The following UST variants were observed in gnomAD, a reference collection of about 807,000 sequenced individuals.
UST encodes the protein chondroitin sulfate 2-O-sulfotransferase.
A neutral mutation model predicts 45.6 loss-of-function variants in UST; 21 were observed. The observed-to-expected ratio is 0.46, with a 90% CI of 0.33 to 0.66. The LOEUF (loss-of-function observed/expected upper bound fraction) is 0.66, where lower values mean the gene tolerates loss of function less well. Ranked by LOEUF, UST falls within the 30% of genes least tolerant of loss-of-function variation. The pLI, the probability that UST is intolerant of heterozygous loss-of-function variation, is 0.02. For synonymous variants in UST, 215 were observed against 200.6 expected (o/e 1.07, Z -0.61); for missense variants, 463 against 512.4 (o/e 0.90, Z 0.93).
chr6:148,917,909 C>G (rs994467852), intron 2 of UST, among the ~76,000 whole-genome samples: 1 of 152,164 alleles, frequency 6.6e-6, no homozygotes, highest in Non-Finnish European at 1.5e-5. Flanking sequence ...CAGAAATGAC[C>G]GAAGCAGCAT....
chr6:148,859,943 G>C (rs1375097301), intron 1 of UST, among the ~76,000 whole-genome samples: 1 of 152,176 alleles, frequency 6.6e-6, no homozygotes, highest in African/African-American at 2.4e-5. Context: ...CTCCAGCTTT[G>C]TTCTTTTGGC....
intron 1 of UST, among the ~76,000 whole-genome samples, chr6:148,831,748 T>C (rs1777691315): frequency 6.6e-6 from 1 of 152,072 alleles, no homozygotes; most frequent in Non-Finnish European, 1.5e-5. Context: ...AGAGCTATGA[T>C]TGTGCCACTG....
chr6:148,892,410 A>G (rs185159072), intron 2 of UST, among the ~76,000 whole-genome samples: 22 of 152,212 alleles, frequency 1.4e-4, no homozygotes, highest in African/African-American at 4.1e-4. Flanking sequence ...GTCTCCTTTT[A>G]TATCCTCCAA....
In UST at chr6:148,748,545, C is replaced by T. The variant is rs1013646408; in HGVS notation, c.247+868C>T. 4.0e-5 allele frequency among the ~76,000 whole-genome samples: 6 copies of T among 151,480 alleles called. No homozygotes were observed. Among genetic ancestry groups the T allele is most frequent in the African/African-American group, 1.5e-4 (6 of 41,200 alleles). The stretch of plus-strand genomic sequence containing the variant: ...GCCGCTCCAGCGAGAAGGCGTGACC[C>T]CGCAGCTCCCTCGTCTCGGCTGCGG... On this transcript the variant is annotated intron_variant, in intron 1 of 7. Transcript: ENST00000367463. The surrounding 1 kb of genome is among the most constrained non-coding windows in gnomAD (Gnocchi z 5.3).
Position 148,888,166 on chromosome 6 carries a change from G to A in UST, c.291+1137G>A, listed in dbSNP as rs145248768. Among the ~76,000 whole-genome samples the A allele has an allele frequency of 5.0e-3, 755 of 151,660 alleles. 3 individuals carry two copies. Among genetic ancestry groups the A allele is most frequent in the Middle Eastern group, 0.02 (6 of 294 alleles). ...CATGGTGGAAGGCAGAGAGGAAGCA[G>A]GCGCATCTTACGTGGCCAGAGCAGG... On this transcript the variant is annotated intron_variant, in intron 2 of 7. Coordinates refer to ENST00000367463, the MANE Select transcript of UST (RefSeq NM_005715.3).
chr6:148,782,021 A>G (rs1776653361), intron 1 of UST, among the ~76,000 whole-genome samples: 1 of 152,256 alleles, frequency 6.6e-6, no homozygotes. Context: ...CTAGCACAAC[A>G]TCCATTCTGC....
chr6:149,072,068 G>A (rs896482852), intron 7 of UST, among the ~76,000 whole-genome samples: 5 of 152,188 alleles, frequency 3.3e-5, no homozygotes, highest in South Asian at 2.1e-4. Flanking sequence ...GAGAGAATTC[G>A]AAGAAATTGG....
intron 7 of UST, among the ~76,000 whole-genome samples, chr6:149,051,158 C>T (rs1028421749): frequency 2.6e-5 from 4 of 152,178 alleles, no homozygotes; most frequent in Admixed American, 1.3e-4. Flanking sequence ...GAAGCCTCCA[C>T]GGTGAAATAT....
chr6:148,894,471 T>C lies in UST; in HGVS notation c.291+7442T>C, dbSNP rs150334317. Among the ~76,000 whole-genome samples the C allele has an allele frequency of 5.3e-5, 8 of 152,292 alleles. No homozygotes were observed. In the East Asian group the frequency reaches 1.2e-3, roughly 22 times the overall value. ...GAGGCAGATTGGGATTATGCTGTTA[T>C]GCTGCCACAGACCAAGGTACACCAA... is the stretch of plus-strand genomic sequence containing the variant. On this transcript the variant is annotated intron_variant, in intron 2 of 7. Coordinates refer to ENST00000367463, the MANE Select transcript of UST (RefSeq NM_005715.3).
intron 5 of UST, among the ~76,000 whole-genome samples, chr6:149,003,035 G>A (rs1781582712): frequency 6.6e-6 from 1 of 152,114 alleles, no homozygotes. Context: ...AAAGAATCTT[G>A]GCATTCATTG....
intron 1 of UST, among the ~76,000 whole-genome samples, chr6:148,756,566 G>A (rs7771895): frequency 0.023 from 3,549 of 152,182 alleles, 143 homozygotes; most frequent in African/African-American, 0.081. Context: ...TTGTTGTCTC[G>A]CTGCCTGCTT....
intron 1 of UST, among the ~76,000 whole-genome samples, chr6:148,788,649 C>T (rs921621458): frequency 2.0e-5 from 3 of 152,034 alleles, no homozygotes; most frequent in Non-Finnish European, 4.4e-5. Context: ...TGACCTATAA[C>T]GTGTCTTAAG....
rs551238253 is a variant in UST at position 149,021,249 on chromosome 6, G to A, written c.780-75G>A. On this transcript the variant is annotated intron_variant, in intron 6 of 7. Transcript: ENST00000367463. Reference sequence around the variant, plus strand: ...ATGCAAGTGAAGGTGGGAGGTAGAGGGGGTAAACTCTCAGCATCTTGCTGC... The same window carrying A: ...ATGCAAGTGAAGGTGGGAGGTAGAGAGGGTAAACTCTCAGCATCTTGCTGC... 6.8e-6 allele frequency: 10 copies of A among 1,471,580 alleles called. No homozygotes were observed. In the South Asian group the frequency reaches 1.1e-4, roughly 17 times the overall value. 91.2% of individuals were successfully genotyped at this position (1,471,580 alleles called of 1,614,324 possible). A position where few individuals can be genotyped will look rare whatever the true frequency, so the allele number is the denominator to read the frequency against.
intron 1 of UST, among the ~76,000 whole-genome samples, chr6:148,787,297 T>C (rs1326270182): frequency 1.3e-5 from 2 of 152,246 alleles, no homozygotes; most frequent in Non-Finnish European, 2.9e-5. Flanking sequence ...GCCTAGGTTT[T>C]ATTCTAGGTT....
chr6:148,764,901 T>C (rs943194138), intron 1 of UST, among the ~76,000 whole-genome samples: 18 of 152,156 alleles, frequency 1.2e-4, no homozygotes, highest in African/African-American at 4.3e-4. Context: ...CTAGCAAGCC[T>C]GGGGGTGCTG....
chr6:148,868,700 T>G (rs1778493378), intron 1 of UST, among the ~76,000 whole-genome samples: 1 of 152,126 alleles, frequency 6.6e-6, no homozygotes, highest in Non-Finnish European at 1.5e-5. Flanking sequence ...TTTTGAAAAT[T>G]ACATTAATTT....
Position 148,856,640 on chromosome 6 carries a change from G to A in UST, c.248-30346G>A, listed in dbSNP as rs1473289251. Among the ~76,000 whole-genome samples the A allele has an allele frequency of 2.6e-5, 4 of 152,190 alleles. No homozygotes were observed. The East Asian group carries it at 7.7e-4, about 29-fold the overall frequency. On this transcript the variant is annotated intron_variant, in intron 1 of 7. Coordinates refer to ENST00000367463, the MANE Select transcript of UST (RefSeq NM_005715.3). The stretch of plus-strand genomic sequence containing the variant: ...GGCGGGCTTTCCCACATAATCTCTT[G>A]TGGGATGTCAGAGATGATCTGGGTA...
At chr6:148,878,110 A>T (rs1299542401) in intron 1 of UST, among the ~76,000 whole-genome samples, 1 of 50,096 alleles carries the variant, frequency 2.0e-5, no homozygotes, top group Non-Finnish European at 3.5e-5. Flanking sequence ...GAGTGAGGAG[A>T]TCATGTACGA....
intron 5 of UST, among the ~76,000 whole-genome samples, chr6:149,002,158 TA>T (rs149664522): frequency 0.25 from 37,778 of 149,790 alleles, 4,748 homozygotes; most frequent in African/African-American, 0.28. Context: ...CTTACAATGT[TA>T]AAAAAAAAAT....
Sources: allele counts gnomAD v4.1 joint callset (sites outside exome capture counted in the v4.1 genomes callset), GRCh38; gene constraint gnomAD v4.1.1; non-coding constraint Gnocchi (gnomAD v3.1); transcripts MANE v1.5; gene names NCBI Gene and HGNC (gene_info 2026-07-23, HGNC 2026-07-21).